Variants in ASXL1 observed in about 807,000 individuals in gnomAD.
The protein encoded by ASXL1 is ASXL transcriptional regulator 1.
Under a neutral mutation model 89.1 loss-of-function variants are expected in ASXL1, and 65 were observed. The observed-to-expected ratio is 0.73, with a 90% CI of 0.60 to 0.90. The LOEUF is 0.90. ASXL1 is among the 40% of genes least tolerant of loss of function. The probability of loss-of-function intolerance (pLI) is 0.00; values close to 1 mark genes in which losing one functional copy is unlikely to be tolerated. For synonymous variants in ASXL1, 739 were observed against 746.9 expected (o/e 0.99, Z 0.17); for missense variants, 1,786 against 1,942.9 (o/e 0.92, Z 1.52).
chr20:32,415,344 G>A (rs1366163288), intron 4 of ASXL1, among the ~76,000 whole-genome samples: 1 of 152,114 alleles, frequency 6.6e-6, no homozygotes, highest in Non-Finnish European at 1.5e-5. Context: ...CTTATTTAGA[G>A]TGTGGCATCT....
intron 4 of ASXL1, among the ~76,000 whole-genome samples, chr20:32,422,167 C>T (rs1434184567): frequency 1.3e-5 from 2 of 150,986 alleles, no homozygotes; most frequent in Admixed American, 1.3e-4. Flanking sequence ...GTGTGAGCCA[C>T]CGCGCCCGGC....
chr20:32,434,143 T>A (rs1409111587), intron 12 of ASXL1: 2 of 742,482 alleles, frequency 2.7e-6, no homozygotes, highest in Non-Finnish European at 4.3e-6. Flanking sequence ...CAAAATCCTT[T>A]GGGGTTTTAA....
intron 4 of ASXL1, among the ~76,000 whole-genome samples, chr20:32,373,069 G>A (rs1235040860): frequency 1.3e-5 from 2 of 148,788 alleles, no homozygotes; most frequent in Admixed American, 6.7e-5. Context: ...GAGCCACCTC[G>A]TGTGTCCTTG....
chr20:32,413,100 C>T (rs1227500256), intron 4 of ASXL1, among the ~76,000 whole-genome samples: 3 of 151,974 alleles, frequency 2.0e-5, no homozygotes, highest in East Asian at 1.9e-4. Flanking sequence ...TTTCATGAAA[C>T]GATAGAGTAA....
intron 4 of ASXL1, among the ~76,000 whole-genome samples, chr20:32,381,513 CTTTTT>C (rs59213941): frequency 7.6e-6 from 1 of 131,402 alleles, no homozygotes; most frequent in African/African-American, 2.9e-5. Context: ...TTACCAAAAT[CTTTTT>C]TTTTTTTTTT....
chr20:32,384,198 GTTTTTTTTTT>G (rs71187115), intron 4 of ASXL1, among the ~76,000 whole-genome samples: 5 of 77,304 alleles, frequency 6.5e-5, no homozygotes, highest in East Asian at 1.1e-3. Context: ...GCAGCAGTCT[GTTTTTTTTTT>G]TTTTTTTTTT....
At chr20:32,430,983 C>G (rs1404183437) in intron 8 of ASXL1, 1 of 505,570 alleles carries the variant, frequency 2.0e-6, no homozygotes, top group Non-Finnish European at 3.6e-6. Context: ...CATGATTTCT[C>G]CAGTTGAGCT....
At chr20:32,421,907 C>T (rs1487694608) in intron 4 of ASXL1, among the ~76,000 whole-genome samples, 6 of 123,762 alleles carry the variant, frequency 4.8e-5, no homozygotes, top group African/African-American at 1.8e-4. Context: ...CTGGCTCTGT[C>T]ACCCAGGCTG....
intron 4 of ASXL1, among the ~76,000 whole-genome samples, chr20:32,380,960 A>G (rs1261494709): frequency 6.6e-6 from 1 of 150,682 alleles, no homozygotes; most frequent in Admixed American, 6.6e-5. Context: ...GCCTTTGCCT[A>G]CTTCTCGAAT....
intron 4 of ASXL1, chr20:32,427,730 C>A (rs1052295508): frequency 9.5e-5 from 26 of 275,002 alleles, no homozygotes; most frequent in African/African-American, 5.5e-4. Context: ...AAGTTAGGTG[C>A]CCCTCTTCTG....
At chr20:32,418,809 C>CTTTTTTTTTTTTTTTTTTT (rs71338437) in intron 4 of ASXL1, among the ~76,000 whole-genome samples, 2 of 55,748 alleles carry the variant, frequency 3.6e-5, no homozygotes, top group Non-Finnish European at 6.5e-5. Context: ...GAATTGACAT[C>CTTTTTTTTTTTTTTTTTTT]TTTTTTTTTT....
intron 4 of ASXL1, among the ~76,000 whole-genome samples, chr20:32,411,835 G>A (rs922774487): frequency 1.3e-5 from 2 of 152,172 alleles, no homozygotes; most frequent in Non-Finnish European, 2.9e-5. Flanking sequence ...ATTATGCCCA[G>A]CCCTACCCAT....
chr20:32,379,081 T>TCACA (rs60897071), intron 4 of ASXL1, among the ~76,000 whole-genome samples: 56 of 143,084 alleles, frequency 3.9e-4, no homozygotes, highest in African/African-American at 1.2e-3. Context: ...ACTCTGTCTC[T>TCACA]CACACACACA....
At chr20:32,404,511 CA>C (rs755663382) in intron 4 of ASXL1, among the ~76,000 whole-genome samples, 1 of 152,078 alleles carries the variant, frequency 6.6e-6, no homozygotes, top group Non-Finnish European at 1.5e-5. Flanking sequence ...TTTATAAACT[CA>C]CTTATTAGTT....
chr20:32,399,758 T>A lies in ASXL1; in HGVS notation c.253-28370T>A, dbSNP rs1380635613. Among the ~76,000 whole-genome samples the A allele has an allele frequency of 6.8e-4, 77 of 113,408 alleles. 1 individual carries two copies. Among genetic ancestry groups the A allele is most frequent in the South Asian group, 3.8e-3 (14 of 3,704 alleles). 74.4% of individuals were successfully genotyped at this position (113,408 alleles called of 152,430 possible). A position where few individuals can be genotyped will look rare whatever the true frequency, so the allele number is the denominator to read the frequency against. Reference sequence around the variant, plus strand: ...TCACATATTTTACTCTTTTTTTTTTTTTTTTTTTTTTTTTTTTTTTAAAGA... The same window carrying A: ...TCACATATTTTACTCTTTTTTTTTTATTTTTTTTTTTTTTTTTTTTAAAGA... On this transcript the variant is annotated intron_variant, in intron 4 of 12. Coordinates refer to ENST00000375687, the MANE Select transcript of ASXL1 (RefSeq NM_015338.6).
chr20:32,380,045 GCTGAGGCGGGCAGATCAC>G (rs1245352457), intron 4 of ASXL1, among the ~76,000 whole-genome samples: 2 of 152,014 alleles, frequency 1.3e-5, no homozygotes, highest in Non-Finnish European at 2.9e-5. Flanking sequence ...ACTTTGGTAG[GCTGAGGCGGGCAGATCAC>G]CTGAGGTCAG....
intron 4 of ASXL1, among the ~76,000 whole-genome samples, chr20:32,409,954 G>A (rs1417037529): frequency 6.6e-6 from 1 of 151,868 alleles, no homozygotes; most frequent in African/African-American, 2.4e-5. Context: ...CATTTATTTT[G>A]TATTAATAGT....
rs2011461419 is a variant in ASXL1, at chr20:32,429,738, G to A, written c.566-163G>A. 2 of 1,020,860 alleles carry A rather than the reference G, an allele frequency of 2.0e-6. No homozygotes were observed. The highest frequency in any genetic ancestry group is 2.4e-5 in the East Asian group (1 of 40,954). The allele number at this position is 1,020,860 out of a possible 1,614,324, so 63.2% of individuals were successfully genotyped here. ...GGCACCTGTAAGGTGATATTTTAAA[G>A]CCAGACCATGAAGTGGTGGTTTCTC... On this transcript the variant is annotated intron_variant, in intron 7 of 12. Transcript: ENST00000375687. The surrounding 1 kb of genome is among the most constrained non-coding windows in gnomAD (Gnocchi z 4.9).
rs975548650 is a variant in ASXL1 at position 32,414,487 on chromosome 20, T to C, written c.253-13641T>C. 2.0e-5 allele frequency among the ~76,000 whole-genome samples: 3 copies of C among 152,056 alleles called. No homozygotes were observed. The East Asian group carries it at 5.8e-4, about 29-fold the overall frequency. On this transcript the variant is annotated intron_variant, in intron 4 of 12. Coordinates refer to ENST00000375687, the MANE Select transcript of ASXL1 (RefSeq NM_015338.6). ...TACTGGGGAGGCCAAGGTGGGAGAA[T>C]TGCTTACGACCAGGAGTTTGAGTCC... is the stretch of plus-strand genomic sequence containing the variant.
Sources: gnomAD v4.1 joint callset for allele counts (sites outside exome capture counted in the v4.1 genomes callset) on GRCh38, gnomAD v4.1.1 for gene constraint, Gnocchi (gnomAD v3.1) non-coding constraint, MANE v1.5 for transcripts, NCBI Gene and HGNC (gene_info 2026-07-23, HGNC 2026-07-21) for gene names.